PIGN: variants seen among roughly 807,000 people sequenced by gnomAD.
PIGN encodes phosphatidylinositol glycan anchor biosynthesis class N.
Under a neutral mutation model 125.4 loss-of-function variants are expected in PIGN, and 117 were observed. The ratio of observed to expected loss-of-function variants is 0.93; its 90% confidence interval spans 0.80 to 1.09. The LOEUF (loss-of-function observed/expected upper bound fraction) is 1.09, where lower values mean the gene tolerates loss of function less well. PIGN is among the 50% of genes least tolerant of loss of function. The pLI, the probability that PIGN is intolerant of heterozygous loss-of-function variation, is 0.00. For synonymous variants in PIGN, 392 were observed against 377.8 expected, an observed-to-expected ratio of 1.04 and a Z score of -0.44; for missense variants, 1,075 against 1,094.9, an observed-to-expected ratio of 0.98 and a Z score of 0.26.
intron 23 of PIGN, among the ~76,000 whole-genome samples, chr18:62,027,888 T>C (rs1321575880): frequency 2.0e-5 from 3 of 151,572 alleles, no homozygotes; most frequent in East Asian, 1.9e-4. Flanking sequence ...GCCTGAGTGA[T>C]AGAATGAGAC....
chr18:62,179,018 T>G (rs2037623986), intron 1 of PIGN, among the ~76,000 whole-genome samples: 2 of 152,214 alleles, frequency 1.3e-5, no homozygotes, highest in South Asian at 4.1e-4. Context: ...TTGATGACCT[T>G]GTGAGTTTTG....
At chr18:62,186,655 A>G (rs1279129355) in intron 1 of PIGN, among the ~76,000 whole-genome samples, 189 bp downstream of exon 1, 3 of 152,218 alleles carry the variant, frequency 2.0e-5, no homozygotes, top group Non-Finnish European at 4.4e-5. Context: ...CATGTGGCAG[A>G]GAAGGGAAAA....
intron 23 of PIGN, among the ~76,000 whole-genome samples, chr18:62,020,150 C>T (rs547477217): frequency 6.6e-5 from 10 of 152,316 alleles, no homozygotes; most frequent in Non-Finnish European, 1.2e-4. Context: ...GAGAGTTGAA[C>T]TACCGGAGCC....
At chr18:62,136,893 T>C (rs188861447) in intron 14 of PIGN, 8 of 391,972 alleles carry the variant, frequency 2.0e-5, no homozygotes, top group Middle Eastern at 6.5e-4. Context: ...CACATCTTCC[T>C]GGACCTGGGA....
intron 11 of PIGN, among the ~76,000 whole-genome samples, chr18:62,142,611 T>C (rs1354514485): frequency 6.6e-6 from 1 of 152,210 alleles, no homozygotes; most frequent in Non-Finnish European, 1.5e-5. Context: ...CCTTGGTTTG[T>C]CCACCACAGT....
intron 13 of PIGN, among the ~76,000 whole-genome samples, chr18:62,138,502 T>C (rs2036017147): frequency 6.6e-6 from 1 of 152,214 alleles, no homozygotes; most frequent in Non-Finnish European, 1.5e-5. Context: ...ATTAAACATA[T>C]CAATCTTGCA....
chr18:62,071,908 AT>A (rs2032895785), intron 30 of PIGN, among the ~76,000 whole-genome samples: 1 of 108,812 alleles, frequency 9.2e-6, no homozygotes, highest in Non-Finnish European at 1.9e-5. Flanking sequence ...ATATATATAT[AT>A]AAATTTAACT....
chr18:62,173,187 A>C (rs1185624009), intron 1 of PIGN, among the ~76,000 whole-genome samples: 1 of 152,230 alleles, frequency 6.6e-6, no homozygotes, highest in Non-Finnish European at 1.5e-5. Context: ...CATTTTGACA[A>C]TAACTCTATT....
At chr18:62,036,202 G>T (rs2030258056), downstream of PIGN, among the ~76,000 whole-genome samples, 1 of 152,092 alleles carries the variant, frequency 6.6e-6, no homozygotes, top group East Asian at 1.9e-4. Context: ...TGCAAGGGAA[G>T]ATGAGTTTTT....
chr18:62,114,993 C>T (rs1412579818), intron 14 of PIGN, among the ~76,000 whole-genome samples: 1 of 152,192 alleles, frequency 6.6e-6, no homozygotes, highest in African/African-American at 2.4e-5. Flanking sequence ...ACTCAGTTGT[C>T]CTGTGCTCAT....
chr18:62,054,780 AC>A (rs1317654883), intron 30 of PIGN, among the ~76,000 whole-genome samples: 1 of 152,186 alleles, frequency 6.6e-6, no homozygotes, highest in Non-Finnish European at 1.5e-5. Flanking sequence ...GGCATGAGCC[AC>A]TGCACTCAGC....
chr18:62,027,978 T>A (rs959467021), intron 23 of PIGN, among the ~76,000 whole-genome samples: 1 of 152,108 alleles, frequency 6.6e-6, no homozygotes, highest in African/African-American at 2.4e-5. Context: ...TCAATCCTTA[T>A]TTCTATGTAA....
chr18:62,090,648 T>C lies in PIGN; in HGVS notation c.2181-70A>G, dbSNP rs139603590. The C allele has an allele frequency of 7.5e-4, 589 of 789,442 alleles. 4 individuals are homozygous for C. In the African/African-American group the frequency reaches 9.5e-3, roughly 13 times the overall value. The allele number at this position is 789,442 out of a possible 1,614,324, so 48.9% of individuals were successfully genotyped here. A position where few individuals can be genotyped will look rare whatever the true frequency, so the allele number is the denominator to read the frequency against. The stretch of plus-strand genomic sequence containing the variant: ...AATAAGTAAAAATGCAAATTTACAC[T>C]GAGGTCTTTCTCAAAATTAAAACAA... On this transcript the variant is annotated intron_variant, in intron 23 of 30. Coordinates refer to ENST00000640252, the MANE Select transcript of PIGN (RefSeq NM_176787.5).
intron 12 of PIGN, among the ~76,000 whole-genome samples, chr18:62,139,442 A>G (rs75544237): frequency 3.3e-5 from 5 of 152,214 alleles, no homozygotes; most frequent in Non-Finnish European, 5.9e-5. Flanking sequence ...TGTACTGTAC[A>G]TAATAAGAGT....
chr18:62,105,914 T>C lies in PIGN; in HGVS notation c.1768-280A>G, dbSNP rs566277667. Among the ~76,000 whole-genome samples the C allele has an allele frequency of 7.9e-5, 12 of 152,268 alleles. No individual in the cohort carries two copies. In the Middle Eastern group the frequency reaches 0.01, roughly 129 times the overall value. On this transcript the variant is annotated intron_variant, in intron 19 of 30. Coordinates refer to ENST00000640252, the MANE Select transcript of PIGN (RefSeq NM_176787.5). ...TCACAATAACCTCAAGAGGCAGGTA[T>C]TATCATTCCCAATACATCAGATGAT...
chr18:62,161,021 T>C, intron 4 of PIGN, 112 bp downstream of exon 4: 2 of 652,032 alleles, frequency 3.1e-6, no homozygotes, highest in Non-Finnish European at 5.2e-6. Flanking sequence ...CCTATTCTCT[T>C]TCTCATCATC....
chr18:62,120,775 CA>C (rs950343970), intron 14 of PIGN, among the ~76,000 whole-genome samples: 1 of 150,812 alleles, frequency 6.6e-6, no homozygotes, highest in Admixed American at 6.6e-5. Context: ...ATTAATCCTA[CA>C]AAAAAACAAA....
intron 7 of PIGN, chr18:62,154,322 T>C: frequency 2.0e-6 from 1 of 492,094 alleles, no homozygotes; most frequent in Non-Finnish European, 3.5e-6. Context: ...GTTTCCTAAA[T>C]CCTAATCTAG....
intron 30 of PIGN, among the ~76,000 whole-genome samples, chr18:62,049,573 G>A (rs1420894893): frequency 2.0e-5 from 3 of 150,598 alleles, no homozygotes; most frequent in South Asian, 2.1e-4. Flanking sequence ...AAATTTGTTT[G>A]AGTTCATTGT....
Sources: gnomAD v4.1 joint callset for allele counts (sites outside exome capture counted in the v4.1 genomes callset) on GRCh38, gnomAD v4.1.1 for gene constraint, MANE v1.5 for transcripts, NCBI Gene and HGNC (gene_info 2026-07-23, HGNC 2026-07-21) for gene names.